The following SLC38A8 variants were observed in gnomAD, a reference collection of about 807,000 sequenced individuals.
SLC38A8 encodes amino acid transporter SLC38A8.
Under a neutral mutation model 46.0 loss-of-function variants are expected in SLC38A8, and 65 were observed. That is an observed-to-expected ratio of 1.41 (90% CI 1.16 to 1.74). The LOEUF (loss-of-function observed/expected upper bound fraction) is 1.74, where lower values mean the gene tolerates loss of function less well. Among genes scored for constraint, SLC38A8 ranks in the 40% most tolerant of loss-of-function variants. The probability of loss-of-function intolerance (pLI) is 0.00; values close to 1 mark genes in which losing one functional copy is unlikely to be tolerated. For missense variants in SLC38A8, 998 were observed against 567.9 expected (o/e 1.76, Z -7.70); for synonymous variants, 447 against 243.7 (o/e 1.83, Z -7.77).
At chr16:84,025,807 T>C (rs149023694) in intron 6 of SLC38A8, among the ~76,000 whole-genome samples, 242 of 152,362 alleles carry the variant, frequency 1.6e-3, no homozygotes, top group Middle Eastern at 6.8e-3. Flanking sequence ...CCAGCCCTAG[T>C]TGAGCACAGC....
intron 7 of SLC38A8, among the ~76,000 whole-genome samples, chr16:84,018,653 A>C (rs908729940): frequency 6.6e-6 from 1 of 152,148 alleles, no homozygotes; most frequent in African/African-American, 2.4e-5. Context: ...TAGAAACTAA[A>C]ATCAACACCA....
At chr16:84,032,198 TTG>T (rs372040775) in intron 4 of SLC38A8, among the ~76,000 whole-genome samples, 8,781 of 151,588 alleles carry the variant, frequency 0.058, 365 homozygotes, top group Middle Eastern at 0.12. Context: ...GTTGTTGTTG[TTG>T]TTTTTTGAGA....
intron 6 of SLC38A8, among the ~76,000 whole-genome samples, chr16:84,028,465 G>T (rs551363647): frequency 6.6e-6 from 1 of 151,520 alleles, no homozygotes; most frequent in African/African-American, 2.4e-5. Context: ...CACGCCTGTA[G>T]TCCCAGCTAC....
At chr16:84,015,205 G>C (rs889948679) in intron 9 of SLC38A8, among the ~76,000 whole-genome samples, 2 of 152,102 alleles carry the variant, frequency 1.3e-5, no homozygotes, top group African/African-American at 4.8e-5. Context: ...GTGGGGCCCT[G>C]GAACACACCC....
chr16:84,036,560 G>T lies in SLC38A8; in HGVS notation c.388+142C>A, dbSNP rs538287883. 1.4e-5 allele frequency: 13 copies of T among 931,246 alleles called. No individual in the cohort carries two copies. The South Asian group carries it at 2.1e-4, about 15-fold the overall frequency. The allele number at this position is 931,246 out of a possible 1,614,324, so 57.7% of individuals were successfully genotyped here. ...ATTCGGAGCCTCCCTTCCCTACCAT[G>T]TTAGGAACAAGAGTGTGGTTTCAGC... On this transcript the variant is annotated intron_variant, in intron 3 of 10. Transcript: ENST00000299709.
intron 10 of SLC38A8, among the ~76,000 whole-genome samples, chr16:84,012,601 G>C: frequency 6.6e-6 from 1 of 152,184 alleles, no homozygotes; most frequent in East Asian, 1.9e-4. Flanking sequence ...AGGAGCCTGG[G>C]AACAGCGACC....
intron 6 of SLC38A8, among the ~76,000 whole-genome samples, chr16:84,024,433 C>T (rs111780644): frequency 6.6e-6 from 1 of 152,092 alleles, no homozygotes; most frequent in Non-Finnish European, 1.5e-5. Context: ...CCTGCTTTGG[C>T]CTCCCTAAGT....
chr16:84,012,463 G>A (rs931419186), intron 10 of SLC38A8, among the ~76,000 whole-genome samples: 1 of 152,220 alleles, frequency 6.6e-6, no homozygotes, highest in Non-Finnish European at 1.5e-5. Flanking sequence ...CTGGGAGCCA[G>A]GGGCCTGGGT....
chr16:84,017,318 G>C, intron 7 of SLC38A8, 31 bp from the exon 8 acceptor site: 1 of 1,612,266 alleles, frequency 6.2e-7, no homozygotes, highest in East Asian at 2.2e-5. Flanking sequence ...AAGCCACAGA[G>C]TGGATTAGGA....
In SLC38A8 at chr16:84,036,736, G is replaced by A. The variant is rs765280488; in HGVS notation, c.354C>T (p.Ala118=). The part of the protein sequence containing the change: ...FLLNLLMISV[A]FLRVIGDQLE... ...GCTGGTCCCCGATCACCCTGAGGAA[G>A]GCCACGGAGATCATGAGCAGGTTGA... The change falls in exon 3 of 11, where the codon GCC becomes GCT. Residue 118 remains alanine (A), a synonymous_variant. Transcript: ENST00000299709. 1.9e-6 allele frequency: 3 copies of A among 1,614,094 alleles called. No individual in the cohort carries two copies. The highest frequency in any genetic ancestry group is 1.3e-5 in the African/African-American group (1 of 74,952).
chr16:84,035,857 C>G (rs2085294383), intron 3 of SLC38A8, among the ~76,000 whole-genome samples: 1 of 152,246 alleles, frequency 6.6e-6, no homozygotes, highest in South Asian at 2.1e-4. Flanking sequence ...CCTTTAACAT[C>G]CTTCTCTTAG....
intron 9 of SLC38A8, among the ~76,000 whole-genome samples, chr16:84,015,521 T>C (rs1010835667): frequency 6.6e-6 from 1 of 152,060 alleles, no homozygotes; most frequent in African/African-American, 2.4e-5. Flanking sequence ...AGCGGTAGCA[T>C]GGACAGAGCT....
In SLC38A8 at chr16:84,032,536, G is replaced by T. The variant is rs112151272; in HGVS notation, c.531-568C>A. ...GCCCTTCGGGATGGCAGCTGTAATA[G>T]TGTTTCCTTCCCACCAGCAAAAGCT... On this transcript the variant is annotated intron_variant, in intron 4 of 10. Transcript: ENST00000299709. Among the ~76,000 whole-genome samples the T allele has an allele frequency of 6.8e-4, 103 of 152,310 alleles. 1 individual carries two copies. The highest frequency in any genetic ancestry group is 3.4e-3 in the Middle Eastern group (1 of 294).
intron 4 of SLC38A8, 75 bp from the exon 5 acceptor site, chr16:84,032,043 C>T: frequency 7.9e-7 from 1 of 1,273,220 alleles, no homozygotes; most frequent in Non-Finnish European, 1.1e-6. Flanking sequence ...GTAGTGGGAT[C>T]TGAATCCCAG....
At chr16:84,021,120 T>C (rs1357234115) in intron 7 of SLC38A8, among the ~76,000 whole-genome samples, 1 of 152,110 alleles carries the variant, frequency 6.6e-6, no homozygotes, top group Non-Finnish European at 1.5e-5. Context: ...TGGAGTGCAA[T>C]GGTGCGATCT....
Position 84,019,268 on chromosome 16 carries a change from G to A in SLC38A8, c.806-1981C>T, listed in dbSNP as rs111491201. Among the ~76,000 whole-genome samples, 1,249 of 152,062 alleles carry A rather than the reference G, an allele frequency of 8.2e-3. 13 individuals carry two copies. Among genetic ancestry groups the A allele is most frequent in the African/African-American group, 0.028 (1,158 of 41,464 alleles). On this transcript the variant is annotated intron_variant, in intron 7 of 10. Coordinates refer to ENST00000299709, the MANE Select transcript of SLC38A8 (RefSeq NM_001080442.3). ...TTTTTCTGTTTTTAGTAGAAACGGG[G>A]TTTCACTGTGTTAGCCAGGATGCTC...
chr16:84,040,339 A>C (rs13331760), intron 2 of SLC38A8, among the ~76,000 whole-genome samples: 1 of 152,126 alleles, frequency 6.6e-6, no homozygotes, highest in African/African-American at 2.4e-5. Flanking sequence ...CTTCTCCTCA[A>C]GTCTGCTGAG....
chr16:84,024,519 G>A (rs931954942), intron 6 of SLC38A8, among the ~76,000 whole-genome samples: 9 of 151,904 alleles, frequency 5.9e-5, no homozygotes, highest in South Asian at 2.1e-4. Flanking sequence ...GGTGGCTCAC[G>A]CCTGTAATCC....
Position 84,017,123 on chromosome 16 carries a change from A to C in SLC38A8, c.953+17T>G. 1 of 1,613,542 alleles carries C rather than the reference A, an allele frequency of 6.2e-7. No individual in the cohort carries two copies. The highest frequency in any genetic ancestry group is 8.5e-7 in the Non-Finnish European group (1 of 1,179,814). ...CAGACCATGCTTCACGGTGCCCCCCACTGAGCCAGGCCTCACCTCCCCAGG... is the reference window on the plus strand; with the variant it reads ...CAGACCATGCTTCACGGTGCCCCCCCCTGAGCCAGGCCTCACCTCCCCAGG... On this transcript the variant is annotated intron_variant, in intron 8 of 10. Transcript: ENST00000299709.
Sources: allele counts gnomAD v4.1 joint callset (sites outside exome capture counted in the v4.1 genomes callset), GRCh38; gene constraint gnomAD v4.1.1; transcripts MANE v1.5; gene names NCBI Gene and HGNC (gene_info 2026-07-23, HGNC 2026-07-21).